The following GABBR1 variants were observed in gnomAD, a reference collection of about 807,000 sequenced individuals.
The protein encoded by GABBR1 is gamma-aminobutyric acid type B receptor subunit 1, also known as GABA-B receptor, R1 subunit.
In GABBR1, 35 loss-of-function variants were observed where a neutral mutation model predicts 117.7. The ratio of observed to expected loss-of-function variants is 0.30; its 90% CI spans 0.23 to 0.39. GABBR1 has a LOEUF of 0.39. Among genes scored for constraint, GABBR1 ranks in the 10% least tolerant of loss-of-function variants. The pLI is 1.00. For synonymous variants in GABBR1, 442 were observed against 486.6 expected, an observed-to-expected ratio of 0.91 and a Z score of 1.21; for missense variants, 709 against 1,241.8, an observed-to-expected ratio of 0.57 and a Z score of 6.45.
Position 29,627,801 on chromosome 6 carries a change from G to T in GABBR1, c.497-155C>A. On this transcript the variant is annotated intron_variant, in intron 5 of 22. Transcript: ENST00000377034. The surrounding 1 kb of genome is among the most constrained non-coding windows in gnomAD (Gnocchi z 4.4). ...GGGCCCCGGGCCCCATGGCGTGGGG[G>T]GCAGGGGTAGCTGTTGGGGAGCGTT... The T allele has an allele frequency of 7.0e-7, 1 of 1,436,814 alleles. No homozygotes were observed. Among genetic ancestry groups the T allele is most frequent in the Non-Finnish European group, 9.1e-7 (1 of 1,098,620 alleles). The allele number at this position is 1,436,814 out of a possible 1,614,324, so 89.0% of individuals were successfully genotyped here. A position where few individuals can be genotyped will look rare whatever the true frequency, so the allele number is the denominator to read the frequency against.
At chr6:29,610,216 T>C (rs1762400677) in intron 14 of GABBR1, among the ~76,000 whole-genome samples, 1 of 152,170 alleles carries the variant, frequency 6.6e-6, no homozygotes, top group Non-Finnish European at 1.5e-5. Context: ...CTTCCTTTTG[T>C]CCACCTTCAG....
rs1208613486 is a variant in GABBR1, at chr6:29,605,320, T to G, written c.2439+249A>C. 1.8e-6 allele frequency: 1 copy of G among 570,114 alleles called. No homozygotes were observed. The highest frequency in any genetic ancestry group is 1.9e-5 in the African/African-American group (1 of 53,548). The allele number at this position is 570,114 out of a possible 1,614,324, so 35.3% of individuals were successfully genotyped here. Reference sequence around the variant, plus strand: ...ACAGACAAGCAATTTAACGTCTCTGTGTTTCTGTTTCCTCACCTATAAAGT... The same window carrying G: ...ACAGACAAGCAATTTAACGTCTCTGGGTTTCTGTTTCCTCACCTATAAAGT... On this transcript the variant is annotated intron_variant, in intron 20 of 22. Coordinates refer to ENST00000377034, the MANE Select transcript of GABBR1 (RefSeq NM_001470.4). The surrounding 1 kb of genome is among the most constrained non-coding windows in gnomAD (Gnocchi z 4.2).
chr6:29,605,160 T>A lies in GABBR1; in HGVS notation c.2440-172A>T, dbSNP rs992862683. 2 of 737,040 alleles carry A rather than the reference T, an allele frequency of 2.7e-6. No individual in the cohort carries two copies. Among genetic ancestry groups the A allele is most frequent in the East Asian group, 2.8e-5 (1 of 36,108 alleles). The allele number at this position is 737,040 out of a possible 1,614,324, so 45.7% of individuals were successfully genotyped here. On this transcript the variant is annotated intron_variant, in intron 20 of 22. Transcript: ENST00000377034. This position sits in a 1 kb window ranked among gnomAD's most constrained non-coding sequence, Gnocchi z 4.2. ...ATATAGATTGAGAAAAATCTCAAACTGTCCCAAACCAGTTTTCACTCTTGG... is the reference window on the plus strand; with the variant it reads ...ATATAGATTGAGAAAAATCTCAAACAGTCCCAAACCAGTTTTCACTCTTGG...
chr6:29,616,983 TAAAAAAAA>T (rs28383952), intron 11 of GABBR1, among the ~76,000 whole-genome samples: 2 of 71,676 alleles, frequency 2.8e-5, no homozygotes, highest in Non-Finnish European at 5.9e-5. Context: ...CCGTCTCTAC[TAAAAAAAA>T]AAAAAAAAAA....
intron 11 of GABBR1, among the ~76,000 whole-genome samples, chr6:29,617,723 C>T (rs1164185580): frequency 6.6e-6 from 1 of 152,220 alleles, no homozygotes; most frequent in African/African-American, 2.4e-5. Flanking sequence ...GTAAATGAGA[C>T]TGAAGCCTTG....
At chr6:29,619,884 C>A (rs1763576385) in intron 11 of GABBR1, among the ~76,000 whole-genome samples, 1 of 152,174 alleles carries the variant, frequency 6.6e-6, no homozygotes, top group Non-Finnish European at 1.5e-5. Context: ...ACATAGAGTC[C>A]ATTTAGAATG....
chr6:29,624,179 T>C, intron 6 of GABBR1, 155 bp from the exon 7 acceptor site: 1 of 740,088 alleles, frequency 1.4e-6, no homozygotes, highest in Non-Finnish European at 2.1e-6. Context: ...CATCTCTTCC[T>C]GTCAAGTGCC....
At position 29,621,894 on chromosome 6, in the gene GABBR1, T is replaced by C. The variant is rs1763792355; in HGVS notation, c.1066-77A>G. ...GGCTAAGCCAGATGTCTTCACAGCTTTGATTTCCCATCCCAAAGTGCTTAG... is the reference window on the plus strand; with the variant it reads ...GGCTAAGCCAGATGTCTTCACAGCTCTGATTTCCCATCCCAAAGTGCTTAG... On this transcript the variant is annotated intron_variant, in intron 9 of 22. Transcript: ENST00000377034. This position sits in a 1 kb window ranked among gnomAD's most constrained non-coding sequence, Gnocchi z 5.0. 2.1e-6 allele frequency: 3 copies of C among 1,447,048 alleles called. No homozygotes were observed. The highest frequency in any genetic ancestry group is 2.9e-6 in the Non-Finnish European group (3 of 1,032,742). 89.6% of individuals were successfully genotyped at this position (1,447,048 alleles called of 1,614,324 possible). A position where few individuals can be genotyped will look rare whatever the true frequency, so the allele number is the denominator to read the frequency against.
rs192151845 is a variant in GABBR1, at chr6:29,620,532, G to A, written c.1323+569C>T. 4.1e-3 allele frequency among the ~76,000 whole-genome samples: 625 copies of A among 152,194 alleles called. No individual in the cohort carries two copies. Among genetic ancestry groups the A allele is most frequent in the African/African-American group, 0.012 (504 of 41,512 alleles). The stretch of plus-strand genomic sequence containing the variant: ...CCCCAGCCCTCTCAAATCAGAGAAT[G>A]CGCCTCCTCGCTCCAAGTCTGTCAT... On this transcript the variant is annotated intron_variant, in intron 11 of 22. Coordinates refer to ENST00000377034, the MANE Select transcript of GABBR1 (RefSeq NM_001470.4). The surrounding 1 kb of genome is among the most constrained non-coding windows in gnomAD (Gnocchi z 4.5).
chr6:29,612,300 G>A (rs1762629433), intron 13 of GABBR1, among the ~76,000 whole-genome samples: 1 of 152,030 alleles, frequency 6.6e-6, no homozygotes, highest in African/African-American at 2.4e-5. Flanking sequence ...ACAGGGGTGA[G>A]CCACCACACC....
In GABBR1 at chr6:29,607,235, G is replaced by A; in HGVS notation, c.1993-17C>T. The A allele has an allele frequency of 6.3e-7, 1 of 1,596,206 alleles. No homozygotes were observed. The highest frequency in any genetic ancestry group is 8.6e-7 in the Non-Finnish European group (1 of 1,164,104). On this transcript the variant is annotated splice_polypyrimidine_tract_variant and intron_variant, in intron 16 of 22. Transcript: ENST00000377034. This position sits in a 1 kb window ranked among gnomAD's most constrained non-coding sequence, Gnocchi z 5.0. The stretch of plus-strand genomic sequence containing the variant: ...GAGGCGGGCCTAGAAAGGAAGAGAG[G>A]GCACAGGCAGAACAGGGTAGAGTAG...
rs1165562718 is a variant in GABBR1 at position 29,606,883 on chromosome 6, C to T, written c.2217+14G>A. ...CTCATTCTCCTGACCATAGCACCTCCTCTCCAGTGGTACCTCAATGGTCCG... is the reference window on the plus strand; with the variant it reads ...CTCATTCTCCTGACCATAGCACCTCTTCTCCAGTGGTACCTCAATGGTCCG... On this transcript the variant is annotated intron_variant, in intron 18 of 22. Transcript: ENST00000377034. This position sits in a 1 kb window ranked among gnomAD's most constrained non-coding sequence, Gnocchi z 4.5. The T allele has an allele frequency of 3.7e-6, 6 of 1,609,236 alleles. No individual in the cohort carries two copies. The highest frequency in any genetic ancestry group is 5.1e-6 in the Non-Finnish European group (6 of 1,175,558).
Position 29,602,502 on chromosome 6 carries a change from G to C in GABBR1, c.*1041C>G. 2 of 164,212 alleles carry C rather than the reference G, an allele frequency of 1.2e-5. No individual in the cohort carries two copies. Among genetic ancestry groups the C allele is most frequent in the South Asian group, 1.5e-4 (1 of 6,562 alleles). The allele number at this position is 164,212 out of a possible 1,614,324, so 10.2% of individuals were successfully genotyped here. A position where few individuals can be genotyped will look rare whatever the true frequency, so the allele number is the denominator to read the frequency against. On this transcript the variant is annotated 3_prime_UTR_variant, in exon 23 of 23. Coordinates refer to ENST00000377034, the MANE Select transcript of GABBR1 (RefSeq NM_001470.4). ...GAAGATGATTGTGAGTGTAGACTGA[G>C]GGTAGTACATGAATGCAATGGAGAT... is the stretch of plus-strand genomic sequence containing the variant.
chr6:29,631,995 A>G lies in GABBR1; in HGVS notation c.85+306T>C, dbSNP rs1418346964. Among the ~76,000 whole-genome samples the G allele has an allele frequency of 2.0e-5, 3 of 152,150 alleles. No individual in the cohort carries two copies. The highest frequency in any genetic ancestry group is 7.2e-5 in the African/African-American group (3 of 41,414). On this transcript the variant is annotated intron_variant, in intron 2 of 22. Coordinates refer to ENST00000377034, the MANE Select transcript of GABBR1 (RefSeq NM_001470.4). This position sits in a 1 kb window ranked among gnomAD's most constrained non-coding sequence, Gnocchi z 5.9. ...AGGCTAATAAGATCATCTGGACAGC[A>G]AAGTGGGACCAAGAAAAGGGAGTAA... is the stretch of plus-strand genomic sequence containing the variant.
chr6:29,605,060 G>T lies in GABBR1; in HGVS notation c.2440-72C>A. ...ACAAGATCCAGAGTTTACTTCCCATGGGAGGGAGTCTATGCAGACAGTTTC... is the reference window on the plus strand; with the variant it reads ...ACAAGATCCAGAGTTTACTTCCCATTGGAGGGAGTCTATGCAGACAGTTTC... On this transcript the variant is annotated intron_variant, in intron 20 of 22. Coordinates refer to ENST00000377034, the MANE Select transcript of GABBR1 (RefSeq NM_001470.4). The surrounding 1 kb of genome is among the most constrained non-coding windows in gnomAD (Gnocchi z 4.2). The T allele has an allele frequency of 6.8e-7, 1 of 1,465,224 alleles. No homozygotes were observed. The highest frequency in any genetic ancestry group is 1.4e-5 in the African/African-American group (1 of 71,274). 90.8% of individuals were successfully genotyped at this position (1,465,224 alleles called of 1,614,324 possible). A position where few individuals can be genotyped will look rare whatever the true frequency, so the allele number is the denominator to read the frequency against.
chr6:29,626,749 T>C (rs1270192539), intron 6 of GABBR1, among the ~76,000 whole-genome samples: 4 of 152,054 alleles, frequency 2.6e-5, no homozygotes, highest in Admixed American at 1.3e-4. Context: ...TTTTCTGTTC[T>C]CTTCTCCTTG....
rs1419145388 is a variant in GABBR1 at position 29,623,850 on chromosome 6, G to A, written c.792+40C>T. 1.3e-6 allele frequency: 2 copies of A among 1,599,450 alleles called. No individual in the cohort carries two copies. The highest frequency in any genetic ancestry group is 2.2e-5 in the East Asian group (1 of 44,710). ...ATCGTCCCTTCAGTAGAGCTCAAAA[G>A]GGAATGACCCCATCTTCTGACCCCC... On this transcript the variant is annotated intron_variant, in intron 7 of 22. Coordinates refer to ENST00000377034, the MANE Select transcript of GABBR1 (RefSeq NM_001470.4). The surrounding 1 kb of genome is among the most constrained non-coding windows in gnomAD (Gnocchi z 6.2).
chr6:29,632,645 TC>T lies in GABBR1; in HGVS notation c.-1+204del, dbSNP rs1452010081. 7.8e-6 allele frequency: 11 copies of T among 1,417,680 alleles called. No individual in the cohort carries two copies. In the East Asian group the frequency reaches 9.2e-5, roughly 12 times the overall value. The allele number at this position is 1,417,680 out of a possible 1,614,324, so 87.8% of individuals were successfully genotyped here. ...GGACTCCACCTCTCACCACCTCCTCTCCCCCGGCCCCCGCGGCTCGCAGAAG... is the reference window on the plus strand; with the variant it reads ...GGACTCCACCTCTCACCACCTCCTCTCCCCGGCCCCCGCGGCTCGCAGAAG... On this transcript the variant is annotated intron_variant, in intron 1 of 22. Transcript: ENST00000377034. The surrounding 1 kb of genome is among the most constrained non-coding windows in gnomAD (Gnocchi z 5.8).
rs1352245485 is a variant in GABBR1 at position 29,631,525 on chromosome 6, T to C, written c.160A>G (p.Ile54Val). The C allele has an allele frequency of 6.2e-7, 1 of 1,614,062 alleles. No individual in the cohort carries two copies. Among genetic ancestry groups the C allele is most frequent in the African/African-American group, 1.3e-5 (1 of 74,914 alleles). ...RGLTRDQVKA[I>V]NFLPVDYEIE... ...TCATAGTCCACTGGCAGGAAGTTGATAGCCTTCACCTGGTCCCGAGTCAGG... is the reference window on the plus strand; with the variant it reads ...TCATAGTCCACTGGCAGGAAGTTGACAGCCTTCACCTGGTCCCGAGTCAGG... The change falls in exon 3 of 23, where the codon ATC becomes GTC. Residue 54 changes from isoleucine to valine, a missense_variant. By Grantham distance (29) the Ile-to-Val change is conservative (BLOSUM62 3). Transcript: ENST00000377034. This position sits in a 1 kb window ranked among gnomAD's most constrained non-coding sequence, Gnocchi z 5.9.
Sources: allele counts gnomAD v4.1 joint callset (sites outside exome capture counted in the v4.1 genomes callset), GRCh38; gene constraint gnomAD v4.1.1; non-coding constraint Gnocchi (gnomAD v3.1); transcripts MANE v1.5; gene names NCBI Gene and HGNC (gene_info 2026-07-23, HGNC 2026-07-21).